NXPE2: variants seen among roughly 807,000 people sequenced by gnomAD.
NXPE2 encodes the protein NXPE family member 2.
Under a neutral mutation model 34.4 loss-of-function variants are expected in NXPE2, and 34 were observed. The observed-to-expected ratio is 0.99, with a 90% confidence interval of 0.75 to 1.31. The LOEUF is 1.31. NXPE2 is among the 40% of genes most tolerant of loss of function. NXPE2 has a pLI of 0.00. For missense variants in NXPE2, 649 were observed against 672.5 expected, an observed-to-expected ratio of 0.97 and a Z score of 0.39; for synonymous variants, 235 against 231.3, an observed-to-expected ratio of 1.02 and a Z score of -0.15.
the NXPE2 span, among the ~76,000 whole-genome samples, chr11:114,492,155 A>G: frequency 2.0e-5 from 3 of 151,690 alleles, no homozygotes; most frequent in South Asian, 6.2e-4. Flanking sequence ...AATTTAAAGT[A>G]TAATAATAAT....
intron 2 of NXPE2, among the ~76,000 whole-genome samples, chr11:114,692,262 T>C (rs1210322017): frequency 1.3e-5 from 2 of 152,222 alleles, no homozygotes; most frequent in Non-Finnish European, 2.9e-5. Context: ...GCAAGTAGCA[T>C]GGGCAAGAAG....
At chr11:114,610,123 T>C in the NXPE2 span, among the ~76,000 whole-genome samples, 10 of 151,798 alleles carry the variant, frequency 6.6e-5, no homozygotes, top group Admixed American at 6.6e-4. Flanking sequence ...GGTAACCCGT[T>C]ACCCCGTGGA....
chr11:114,743,613 G>C, the NXPE2 span, among the ~76,000 whole-genome samples: 1 of 151,978 alleles, frequency 6.6e-6, no homozygotes, highest in African/African-American at 2.4e-5. Context: ...TTTTATAGAT[G>C]GGAAAACTCA....
chr11:114,605,675 T>G, the NXPE2 span, among the ~76,000 whole-genome samples: 1 of 151,824 alleles, frequency 6.6e-6, no homozygotes, highest in Non-Finnish European at 1.5e-5. Context: ...TGTTGCCTCA[T>G]GTGTAACCAT....
the NXPE2 span, among the ~76,000 whole-genome samples, chr11:114,567,566 T>C: frequency 5.3e-5 from 8 of 152,168 alleles, no homozygotes; most frequent in Non-Finnish European, 1.2e-4. Flanking sequence ...TTTTATCTTA[T>C]AGTCACTCAT....
chr11:114,724,377 C>T, the NXPE2 span, among the ~76,000 whole-genome samples: 2 of 152,154 alleles, frequency 1.3e-5, no homozygotes, highest in East Asian at 1.9e-4. Flanking sequence ...CATGGGGCTG[C>T]AACATATTGA....
the NXPE2 span, among the ~76,000 whole-genome samples, chr11:114,556,829 T>G: frequency 6.6e-6 from 1 of 152,066 alleles, no homozygotes. Flanking sequence ...CTATGTAATT[T>G]TATCTTACTA....
chr11:114,699,212 A>C (rs914489667), intron 3 of NXPE2, among the ~76,000 whole-genome samples: 5 of 152,038 alleles, frequency 3.3e-5, no homozygotes, highest in Admixed American at 1.3e-4. Context: ...ATCCCTCCCA[A>C]CTATCTCCTG....
chr11:114,519,887 T>TTTTG, the NXPE2 span, among the ~76,000 whole-genome samples: 6 of 151,884 alleles, frequency 4.0e-5, no homozygotes, highest in Non-Finnish European at 7.4e-5. Flanking sequence ...CACAATTACC[T>TTTTG]TTTGTTTGTT....
chr11:114,762,356 G>A, the NXPE2 span, among the ~76,000 whole-genome samples: 1 of 152,150 alleles, frequency 6.6e-6, no homozygotes, highest in Non-Finnish European at 1.5e-5. Context: ...CTGATATTTA[G>A]GAACATCCGT....
the NXPE2 span, among the ~76,000 whole-genome samples, chr11:114,672,528 C>T: frequency 1.3e-4 from 20 of 151,910 alleles, no homozygotes; most frequent in East Asian, 3.5e-3. Flanking sequence ...GCAGAAATTG[C>T]CAGACTGGTT....
chr11:114,604,268 A>G, the NXPE2 span, among the ~76,000 whole-genome samples: 1 of 152,012 alleles, frequency 6.6e-6, no homozygotes, highest in African/African-American at 2.4e-5. Context: ...AACCAGTGTT[A>G]CCTGCTAGAT....
At chr11:114,639,116 C>T in the NXPE2 span, among the ~76,000 whole-genome samples, 1 of 152,046 alleles carries the variant, frequency 6.6e-6, no homozygotes, top group Non-Finnish European at 1.5e-5. Context: ...GTGGTGGGCT[C>T]CACCCAGTTC....
At chr11:114,756,640 G>A in the NXPE2 span, among the ~76,000 whole-genome samples, 1 of 151,880 alleles carries the variant, frequency 6.6e-6, no homozygotes, top group South Asian at 2.1e-4. Context: ...ATTTTGTAGT[G>A]TCCCTCTCAG....
chr11:114,780,874 G>A, the NXPE2 span, among the ~76,000 whole-genome samples: 13 of 152,188 alleles, frequency 8.5e-5, no homozygotes, highest in African/African-American at 2.9e-4. Flanking sequence ...CTTTAGGAAG[G>A]TATTGTTTGA....
chr11:114,754,838 G>T, the NXPE2 span, among the ~76,000 whole-genome samples: 1 of 152,210 alleles, frequency 6.6e-6, no homozygotes, highest in Non-Finnish European at 1.5e-5. Context: ...TCCTGGGGTA[G>T]TAAGAAATGG....
At chr11:114,556,295 A>G in the NXPE2 span, among the ~76,000 whole-genome samples, 1 of 152,192 alleles carries the variant, frequency 6.6e-6, no homozygotes, top group Non-Finnish European at 1.5e-5. Context: ...AAACCTACAA[A>G]CTCTGTTTCC....
At chr11:114,649,291 T>A in the NXPE2 span, among the ~76,000 whole-genome samples, 1 of 152,208 alleles carries the variant, frequency 6.6e-6, no homozygotes, top group South Asian at 2.1e-4. Flanking sequence ...ATACATGTTC[T>A]TAGAAGCATT....
the NXPE2 span, among the ~76,000 whole-genome samples, chr11:114,467,566 A>C: frequency 2.0e-4 from 31 of 152,250 alleles, no homozygotes; most frequent in African/African-American, 7.2e-4. Context: ...CCTCAGTACT[A>C]GGGACCGTCT....
Sources: gnomAD v4.1 joint callset for allele counts (sites outside exome capture counted in the v4.1 genomes callset) on GRCh38, gnomAD v4.1.1 for gene constraint, MANE v1.5 for transcripts, NCBI Gene and HGNC (gene_info 2026-07-23, HGNC 2026-07-21) for gene names.